The following SENP8 variants were observed in gnomAD, a reference collection of about 807,000 sequenced individuals.
SENP8 encodes the protein sentrin-specific protease 8.
SENP8 carries 10 observed loss-of-function variants against 14.4 expected under a neutral mutation model. The observed-to-expected ratio is 0.69, with a 90% confidence interval of 0.43 to 1.18. The LOEUF (loss-of-function observed/expected upper bound fraction) is 1.18. Among genes scored for constraint, SENP8 ranks in the 50% most tolerant of loss-of-function variants. The probability of loss-of-function intolerance (pLI) is 0.00; values close to 1 mark genes in which losing one functional copy is unlikely to be tolerated. For synonymous variants in SENP8, 94 were observed against 95.5 expected (o/e 0.98, Z 0.09); for missense variants, 202 against 249.4 (o/e 0.81, Z 1.28).
At chr15:72,137,799 C>T (rs1180359846) in intron 1 of SENP8, among the ~76,000 whole-genome samples, 2 of 151,954 alleles carry the variant, frequency 1.3e-5, no homozygotes, top group Non-Finnish European at 2.9e-5. Flanking sequence ...AGTGAAACCC[C>T]GTCTCTACTA....
chr15:72,122,041 A>G (rs1667480740), intron 1 of SENP8, among the ~76,000 whole-genome samples: 4 of 152,142 alleles, frequency 2.6e-5, no homozygotes, highest in African/African-American at 9.7e-5. Flanking sequence ...GAACCTGTCT[A>G]TACCTGTGAG....
chr15:72,140,307 C>A lies in SENP8; in HGVS notation c.*45C>A. The A allele has an allele frequency of 7.1e-7, 1 of 1,407,500 alleles. No individual in the cohort carries two copies. The highest frequency in any genetic ancestry group is 1.8e-5 in the Admixed American group (1 of 56,790). The allele number at this position is 1,407,500 out of a possible 1,614,324, so 87.2% of individuals were successfully genotyped here. ...ACTTTTGAAGGCTCCTCTTTCTGCC[C>A]TTCCCCATTTGTTGGATGGCTGCAA... On this transcript the variant is annotated 3_prime_UTR_variant, in exon 2 of 2. Coordinates refer to ENST00000340912, the MANE Select transcript of SENP8 (RefSeq NM_145204.4).
rs1477394309 is a variant in SENP8 at position 72,141,899 on chromosome 15, TAAG to T, written c.*1640_*1642del. ...GATAGGCCACAAGTGTAGATAAAGA[TAAG>T]AAAACAATGTTATTTCAGTGACTGT... On this transcript the variant is annotated 3_prime_UTR_variant, in exon 2 of 2. Coordinates refer to ENST00000340912, the MANE Select transcript of SENP8 (RefSeq NM_145204.4). 6.6e-6 allele frequency: 1 copy of T among 152,162 alleles called. No homozygotes were observed. The allele number at this position is 152,162 out of a possible 1,614,324, so 9.4% of individuals were successfully genotyped here. A position where few individuals can be genotyped will look rare whatever the true frequency, so the allele number is the denominator to read the frequency against.
chr15:72,127,440 G>A (rs921733939), intron 1 of SENP8, among the ~76,000 whole-genome samples: 2 of 152,100 alleles, frequency 1.3e-5, no homozygotes, highest in African/African-American at 4.8e-5. Flanking sequence ...GGCAGAGCTA[G>A]TACCACCCTC....
intron 1 of SENP8, among the ~76,000 whole-genome samples, chr15:72,125,462 T>C (rs2081208176): frequency 1.3e-5 from 2 of 152,116 alleles, no homozygotes; most frequent in African/African-American, 4.8e-5. Context: ...TTTTTTTTAC[T>C]TTTTAACATT....
intron 1 of SENP8, among the ~76,000 whole-genome samples, chr15:72,132,952 C>T (rs963000872): frequency 1.3e-5 from 2 of 152,202 alleles, no homozygotes; most frequent in Admixed American, 1.3e-4. Context: ...GGGCGGAACA[C>T]CTGAGGTCAG....
chr15:72,140,456 G>T lies in SENP8; in HGVS notation c.*194G>T. ...TTTAACCCTGACTGGGGAGCAATAT[G>T]TTCTGTGAAAATATCTTGAAATTGT... On this transcript the variant is annotated 3_prime_UTR_variant, in exon 2 of 2. Transcript: ENST00000340912. 2 of 572,714 alleles carry T rather than the reference G, an allele frequency of 3.5e-6. No homozygotes were observed. The highest frequency in any genetic ancestry group is 5.8e-5 in the East Asian group (2 of 34,312). The allele number at this position is 572,714 out of a possible 1,614,324, so 35.5% of individuals were successfully genotyped here.
At chr15:72,127,940 A>T (rs935224882) in intron 1 of SENP8, among the ~76,000 whole-genome samples, 1 of 152,290 alleles carries the variant, frequency 6.6e-6, no homozygotes, top group South Asian at 2.1e-4. Context: ...AAAAATATTA[A>T]TTAGCCAGAC....
chr15:72,132,744 C>T (rs1215220184), intron 1 of SENP8, among the ~76,000 whole-genome samples: 3 of 151,624 alleles, frequency 2.0e-5, no homozygotes, highest in Non-Finnish European at 2.9e-5. Flanking sequence ...CAACCTCTGC[C>T]TCCCGTTTTA....
At chr15:72,132,605 C>G (rs200118382) in intron 1 of SENP8, among the ~76,000 whole-genome samples, 1 of 96,054 alleles carries the variant, frequency 1.0e-5, no homozygotes, top group African/African-American at 3.4e-5. Flanking sequence ...ATGTTATTAT[C>G]ATCCTCTCAC....
In SENP8 at chr15:72,143,482, ACT is replaced by A. The variant is rs1179117127; in HGVS notation, c.*3223_*3224del. The A allele has an allele frequency of 6.6e-6, 1 of 152,094 alleles. No individual in the cohort carries two copies. Among genetic ancestry groups the A allele is most frequent in the African/African-American group, 2.4e-5 (1 of 41,422 alleles). The allele number at this position is 152,094 out of a possible 1,614,324, so 9.4% of individuals were successfully genotyped here. ...AATAGCAACAACTAACCTTTTTATC[ACT>A]CTGTAATGTGCAGGGTACTTTATGC... On this transcript the variant is annotated 3_prime_UTR_variant, in exon 2 of 2. Transcript: ENST00000340912.
At position 72,140,080 on chromosome 15, in the gene SENP8, A is replaced by G. The variant is rs1255429473; in HGVS notation, c.457A>G (p.Lys153Glu). Residue 153 changes from lysine to glutamate, a missense_variant, in exon 2 of 2, where the codon AAA becomes GAA. By Grantham distance (56) the Lys-to-Glu change is moderately conservative (BLOSUM62 1). Transcript: ENST00000340912. ...KGDKLAFVEE[K>E]APAQQNSYDC... ...AGACAAACTGGCCTTTGTGGAAGAG[A>G]AAGCCCCTGCCCAACAAAACAGCTA... 1.9e-6 allele frequency: 3 copies of G among 1,614,170 alleles called. No individual in the cohort carries two copies. The Middle Eastern group carries it at 4.9e-4, about 266-fold the overall frequency.
At chr15:72,136,125 T>C (rs1014428979) in intron 1 of SENP8, among the ~76,000 whole-genome samples, 2 of 152,246 alleles carry the variant, frequency 1.3e-5, no homozygotes, top group African/African-American at 4.8e-5. Flanking sequence ...GGCTAGATAG[T>C]AAAGATTATT....
At chr15:72,114,810 A>C (rs1430389304), upstream of SENP8, among the ~76,000 whole-genome samples, 3 of 152,204 alleles carry the variant, frequency 2.0e-5, no homozygotes, top group Non-Finnish European at 4.4e-5. Context: ...AAATGTCTGA[A>C]AAGTCTTTGA....
At chr15:72,126,492 G>T (rs959150618) in intron 1 of SENP8, among the ~76,000 whole-genome samples, 1 of 152,120 alleles carries the variant, frequency 6.6e-6, no homozygotes, top group Non-Finnish European at 1.5e-5. Context: ...AGGCACAGTG[G>T]CAGTTGCCTG....
chr15:72,119,369 C>T (rs2081123657), intron 1 of SENP8, among the ~76,000 whole-genome samples: 1 of 152,188 alleles, frequency 6.6e-6, no homozygotes. Flanking sequence ...TGTTTTAAAG[C>T]TCCACAGGTG....
chr15:72,120,362 G>GA (rs1015174911), intron 1 of SENP8, among the ~76,000 whole-genome samples: 2 of 152,184 alleles, frequency 1.3e-5, no homozygotes, highest in Non-Finnish European at 2.9e-5. Flanking sequence ...CTGTCTATCA[G>GA]ACCCAGATAA....
In SENP8 at chr15:72,142,570, A is replaced by G. The variant is rs2081387205; in HGVS notation, c.*2308A>G. 1.3e-5 allele frequency: 2 copies of G among 152,344 alleles called. No homozygotes were observed. The highest frequency in any genetic ancestry group is 2.9e-5 in the Non-Finnish European group (2 of 68,032). 9.4% of individuals were successfully genotyped at this position (152,344 alleles called of 1,614,324 possible). On this transcript the variant is annotated 3_prime_UTR_variant, in exon 2 of 2. Coordinates refer to ENST00000340912, the MANE Select transcript of SENP8 (RefSeq NM_145204.4). ...AACCTGCTTTCAGATATCCTGTTGTATTGCCCGGTAAGTATAGTCACACTT... is the reference window on the plus strand; with the variant it reads ...AACCTGCTTTCAGATATCCTGTTGTGTTGCCCGGTAAGTATAGTCACACTT...
chr15:72,123,085 T>C lies in SENP8; in HGVS notation c.-48+4621T>C, dbSNP rs550596339. Among the ~76,000 whole-genome samples the C allele has an allele frequency of 8.5e-5, 13 of 152,344 alleles. No homozygotes were observed. The East Asian group carries it at 2.5e-3, about 29-fold the overall frequency. ...CAGGCACATTTTTGAAACCCACTAA[T>C]GAGCAATTTGTAATGACAATTTACC... On this transcript the variant is annotated intron_variant, in intron 1 of 1. Transcript: ENST00000340912.
Sources: allele counts gnomAD v4.1 joint callset (sites outside exome capture counted in the v4.1 genomes callset), GRCh38; gene constraint gnomAD v4.1.1; transcripts MANE v1.5; gene names NCBI Gene and HGNC (gene_info 2026-07-23, HGNC 2026-07-21).